The following PRPH2 variants were observed in gnomAD, a reference collection of about 807,000 sequenced individuals.
The protein encoded by PRPH2 is peripherin-2.
In PRPH2, 17 loss-of-function variants were observed where a neutral mutation model predicts 31.3. The observed-to-expected ratio is 0.54, with a 90% confidence interval of 0.37 to 0.81. The LOEUF (loss-of-function observed/expected upper bound fraction) is 0.81. Among genes scored for constraint, PRPH2 ranks in the 40% least tolerant of loss-of-function variants. PRPH2 has a pLI of 0.00. For missense variants in PRPH2, 430 were observed against 439.7 expected, an observed-to-expected ratio of 0.98 and a Z score of 0.20; for synonymous variants, 165 against 184.4, an observed-to-expected ratio of 0.89 and a Z score of 0.85.
intron 2 of PRPH2, among the ~76,000 whole-genome samples, chr6:42,702,875 AAAAG>A (rs1287207882): frequency 6.8e-6 from 1 of 147,384 alleles, no homozygotes; most frequent in Non-Finnish European, 1.5e-5. Context: ...ATCTCAAAAA[AAAAG>A]AAAGAAATAT....
chr6:42,720,107 T>G (rs1230787552), intron 1 of PRPH2, among the ~76,000 whole-genome samples: 4 of 152,184 alleles, frequency 2.6e-5, no homozygotes, highest in Admixed American at 6.5e-5. Context: ...CAAGTTGGTA[T>G]GGGACATTGA....
At chr6:42,712,014 G>A (rs900575738) in intron 1 of PRPH2, 31 of 970,482 alleles carry the variant, frequency 3.2e-5, no homozygotes, top group South Asian at 4.8e-5. Flanking sequence ...TACACAGAGC[G>A]GCACTGTAGG....
In PRPH2 at chr6:42,711,695, G is replaced by C. The variant is rs1033861698; in HGVS notation, c.582-7084C>G. On this transcript the variant is annotated intron_variant, in intron 1 of 2. Transcript: ENST00000230381. ...CGTCTGAGAGGGGAGAAACCCCATAGAGTCAAGTTCTAATCTTCTCCTTGA... is the reference window on the plus strand; with the variant it reads ...CGTCTGAGAGGGGAGAAACCCCATACAGTCAAGTTCTAATCTTCTCCTTGA... The C allele has an allele frequency of 8.5e-5, 79 of 925,440 alleles. No individual in the cohort carries two copies. The African/African-American group carries it at 1.3e-3, about 15-fold the overall frequency. The allele number at this position is 925,440 out of a possible 1,614,324, so 57.3% of individuals were successfully genotyped here. A position where few individuals can be genotyped will look rare whatever the true frequency, so the allele number is the denominator to read the frequency against.
chr6:42,704,755 A>G, intron 1 of PRPH2, 144 bp from the exon 2 acceptor site: 1 of 1,289,172 alleles, frequency 7.8e-7, no homozygotes, highest in Non-Finnish European at 1.1e-6. Context: ...GCTACGTGCC[A>G]GTCACTGTTC....
At chr6:42,711,388 G>A (rs1410514625) in intron 1 of PRPH2, among the ~76,000 whole-genome samples, 2 of 152,210 alleles carry the variant, frequency 1.3e-5, no homozygotes, top group Admixed American at 6.5e-5. Context: ...GGTACTAGAC[G>A]GTGAGGGGTG....
At position 42,712,560 on chromosome 6, in the gene PRPH2, C is replaced by T. The variant is rs150687119; in HGVS notation, c.582-7949G>A. Among the ~76,000 whole-genome samples, 1,002 of 152,172 alleles carry T rather than the reference C, an allele frequency of 6.6e-3. 7 individuals carry two copies. The highest frequency in any genetic ancestry group is 0.023 in the African/African-American group (972 of 41,516). On this transcript the variant is annotated intron_variant, in intron 1 of 2. Transcript: ENST00000230381. ...GGGAGGGTAGTATAGATGAAACAGG[C>T]AAAATATTGATATTTGTTCCTAGGT...
chr6:42,704,532 G>A lies in PRPH2; in HGVS notation c.661C>T (p.Pro221Ser), dbSNP rs777534414. Residue 221 changes from proline (P) to serine (S), a missense_variant, in exon 2 of 3, where the codon CCC becomes TCC. Pro to Ser is a moderately conservative substitution (Grantham distance 74). Transcript: ENST00000230381. Reference protein sequence around the residue: ...FSCCNPSSPRPCIQYQITNNS... With the variant: ...FSCCNPSSPRSCIQYQITNNS... ...TTGGTGATCTGATACTGGATGCAGG[G>A]CCGTGGCGAGCTAGGATTGCAGCAG... is the stretch of plus-strand genomic sequence containing the variant. The A allele has an allele frequency of 6.2e-7, 1 of 1,614,204 alleles. No homozygotes were observed. Among genetic ancestry groups the A allele is most frequent in the East Asian group, 2.2e-5 (1 of 44,876 alleles).
Position 42,698,119 on chromosome 6 carries a change from C to CTG in PRPH2, c.*174_*175dup. 1.2e-6 allele frequency: 1 copy of CTG among 825,772 alleles called. No homozygotes were observed. Among genetic ancestry groups the CTG allele is most frequent in the South Asian group, 1.7e-5 (1 of 57,980 alleles). The allele number at this position is 825,772 out of a possible 1,614,324, so 51.2% of individuals were successfully genotyped here. On this transcript the variant is annotated 3_prime_UTR_variant, in exon 3 of 3. Transcript: ENST00000230381. Reference sequence around the variant, plus strand: ...ACATTTTGGGTCAGTCATTCAACAACTGTGTGTCAAATGCTTTTAGGGACC... The same window carrying CTG: ...ACATTTTGGGTCAGTCATTCAACAACTGTGTGTGTCAAATGCTTTTAGGGACC...
chr6:42,701,007 A>G (rs1482058717), intron 2 of PRPH2, among the ~76,000 whole-genome samples: 1 of 141,076 alleles, frequency 7.1e-6, no homozygotes, highest in Non-Finnish European at 1.5e-5. Context: ...TTTTTTGGAG[A>G]TAGAGTCTGG....
rs747987442 is a variant in PRPH2, at chr6:42,722,187, C to T, written c.148G>A (p.Asp50Asn). 5 of 1,614,214 alleles carry T rather than the reference C, an allele frequency of 3.1e-6. No homozygotes were observed. The highest frequency in any genetic ancestry group is 3.4e-6 in the Non-Finnish European group (4 of 1,180,026). ...TGGCTCTCAGAATTATTCATCACAT[C>T]GCTCCTCTTTCGGAGTTCAATCTTC... ...FLKIELRKRS[D>N]VMNNSESHFV... The change falls in exon 1 of 3, where the codon GAT (aspartate) becomes AAT (asparagine). Residue 50 changes from aspartate to asparagine, a missense_variant. Asp to Asn is a conservative substitution (Grantham distance 23). Transcript: ENST00000230381. The surrounding 1 kb of genome is among the most constrained non-coding windows in gnomAD (Gnocchi z 4.4).
chr6:42,703,822 G>A (rs1038300545), intron 2 of PRPH2, among the ~76,000 whole-genome samples: 5 of 152,046 alleles, frequency 3.3e-5, no homozygotes, highest in African/African-American at 1.2e-4. Flanking sequence ...AACAATTGTC[G>A]GTCGGGTGCA....
intron 2 of PRPH2, among the ~76,000 whole-genome samples, chr6:42,703,919 G>A (rs1800097123): frequency 6.6e-6 from 1 of 152,052 alleles, no homozygotes; most frequent in South Asian, 2.1e-4. Flanking sequence ...GGCTAATGCA[G>A]TGAAAACCTG....
rs115258915 is a variant in PRPH2 at position 42,719,211 on chromosome 6, C to T, written c.581+2543G>A. ...TGAGATCGAGTCTCACACTGTCTCC[C>T]GGGCTGGAGTACAGTGGCAAGATCT... On this transcript the variant is annotated intron_variant, in intron 1 of 2. Coordinates refer to ENST00000230381, the MANE Select transcript of PRPH2 (RefSeq NM_000322.5). Among the ~76,000 whole-genome samples, 908 of 150,598 alleles carry T rather than the reference C, an allele frequency of 6.0e-3. 11 individuals are homozygous for T. Among genetic ancestry groups the T allele is most frequent in the African/African-American group, 0.021 (844 of 40,908 alleles).
chr6:42,704,632 T>A (rs1220380640), intron 1 of PRPH2, 21 bp from the exon 2 acceptor site: 1 of 1,614,064 alleles, frequency 6.2e-7, no homozygotes, highest in East Asian at 2.2e-5. Flanking sequence ...AACAGACAGC[T>A]GGAGATGGGC....
At chr6:42,715,789 A>G (rs1228555138) in intron 1 of PRPH2, among the ~76,000 whole-genome samples, 1 of 152,172 alleles carries the variant, frequency 6.6e-6, no homozygotes, top group Admixed American at 6.5e-5. Context: ...CTGGATCTTA[A>G]AGATTCCCCT....
rs897847347 is a variant in PRPH2, at chr6:42,698,172, A to G, written c.*123T>C. The G allele has an allele frequency of 1.5e-6, 2 of 1,309,548 alleles. No individual in the cohort carries two copies. Among genetic ancestry groups the G allele is most frequent in the Non-Finnish European group, 2.1e-6 (2 of 944,368 alleles). 81.1% of individuals were successfully genotyped at this position (1,309,548 alleles called of 1,614,324 possible). ...AAACTTAAATTCCACCGTCAGGGAG[A>G]GTCTCTGTAAGATGGTGCCCTCCTT... is the stretch of plus-strand genomic sequence containing the variant. On this transcript the variant is annotated 3_prime_UTR_variant, in exon 3 of 3. Transcript: ENST00000230381.
rs771015384 is a variant in PRPH2 at position 42,698,402 on chromosome 6, C to T, written c.934G>A (p.Val312Met). 1.3e-5 allele frequency: 21 copies of T among 1,613,752 alleles called. No homozygotes were observed. The highest frequency in any genetic ancestry group is 1.7e-5 in the Admixed American group (1 of 59,996). ...AGAAAGGCCTTCCAGGTCTCCGGCA[C>T]GCTCCTCTCCAGCAGCCAGCCCTGG... ...ESQGWLLERS[V>M]PETWKAFLES... Residue 312 changes from valine (V) to methionine (M), a missense_variant, in exon 3 of 3, where the codon GTG (valine) becomes ATG (methionine). By Grantham distance (21) the Val-to-Met change is conservative. Transcript: ENST00000230381.
At chr6:42,720,320 T>C (rs1464444439) in intron 1 of PRPH2, among the ~76,000 whole-genome samples, 1 of 152,122 alleles carries the variant, frequency 6.6e-6, no homozygotes, top group Non-Finnish European at 1.5e-5. Context: ...AAGCCCCTTC[T>C]CTGTGAGCCT....
At position 42,701,682 on chromosome 6, in the gene PRPH2, A is replaced by ATTTTTTTTTTTTTT. The variant is rs70990127; in HGVS notation, c.828+2669_828+2682dup. Among the ~76,000 whole-genome samples the ATTTTTTTTTTTTTT allele has an allele frequency of 4.4e-3, 344 of 78,494 alleles. 58 individuals are homozygous for ATTTTTTTTTTTTTT. Among genetic ancestry groups the ATTTTTTTTTTTTTT allele is most frequent in the Non-Finnish European group, 5.0e-3 (213 of 42,642 alleles). 51.5% of individuals were successfully genotyped at this position (78,494 alleles called of 152,430 possible). A position where few individuals can be genotyped will look rare whatever the true frequency, so the allele number is the denominator to read the frequency against. On this transcript the variant is annotated intron_variant, in intron 2 of 2. Coordinates refer to ENST00000230381, the MANE Select transcript of PRPH2 (RefSeq NM_000322.5). The stretch of plus-strand genomic sequence containing the variant: ...TAGGCATGCGCCACCACGTCCAGCA[A>ATTTTTTTTTTTTTT]TTTTTTTTTTTTTTTTTTTTTTTTT...
Sources: gnomAD v4.1 joint callset for allele counts (sites outside exome capture counted in the v4.1 genomes callset) on GRCh38, gnomAD v4.1.1 for gene constraint, Gnocchi (gnomAD v3.1) non-coding constraint, MANE v1.5 for transcripts, NCBI Gene and HGNC (gene_info 2026-07-23, HGNC 2026-07-21) for gene names.